ARMH1: variants seen among roughly 807,000 people sequenced by gnomAD.
ARMH1 encodes armadillo-like helical domain containing protein 1.
ARMH1 carries 34 observed loss-of-function variants against 50.2 expected under a neutral mutation model. The ratio of observed to expected loss-of-function variants is 0.68; its 90% CI spans 0.51 to 0.90. The LOEUF is 0.90. Ranked by LOEUF, ARMH1 falls within the 40% of genes least tolerant of loss-of-function variation. The pLI, the probability that ARMH1 is intolerant of heterozygous loss-of-function variation, is 0.00. For synonymous variants in ARMH1, 221 were observed against 224.2 expected (o/e 0.99, Z 0.13); for missense variants, 538 against 553.9 (o/e 0.97, Z 0.29).
At chr1:44,699,417 T>G (rs928402645) in intron 4 of ARMH1, among the ~76,000 whole-genome samples, 1 of 152,194 alleles carries the variant, frequency 6.6e-6, no homozygotes, top group South Asian at 2.1e-4. Flanking sequence ...TCAGACAGTT[T>G]AGAGTCTGGT....
Position 44,700,949 on chromosome 1 carries a change from G to A in ARMH1, c.469G>A (p.Ala157Thr). ...TGTACGATCCATAGCAGAATTTTTG[G>A]CAAAGTCTAAGTCAGAAGAGACCCA... is the stretch of plus-strand genomic sequence containing the variant. ...YGVRSIAEFLAKSKSEETQEE... is the reference protein window; with the variant it reads ...YGVRSIAEFLTKSKSEETQEE... Residue 157 changes from alanine (A) to threonine (T), a missense_variant, in exon 5 of 12, where the codon GCA becomes ACA. Coordinates refer to ENST00000535358, the MANE Select transcript of ARMH1 (RefSeq NM_001145636.2). 6.5e-7 allele frequency: 1 copy of A among 1,550,296 alleles called. No homozygotes were observed. Among genetic ancestry groups the A allele is most frequent in the Non-Finnish European group, 8.7e-7 (1 of 1,146,522 alleles).
chr1:44,709,942 ATTTTTGTC>A (rs1013377718), intron 6 of ARMH1, among the ~76,000 whole-genome samples: 1 of 152,168 alleles, frequency 6.6e-6, no homozygotes, highest in African/African-American at 2.4e-5. Context: ...GTAGAATACA[ATTTTTGTC>A]TACTTGACCT....
rs199577287 is a variant in ARMH1 at position 44,697,091 on chromosome 1, G to T, written c.207-11G>T. On this transcript the variant is annotated splice_polypyrimidine_tract_variant and intron_variant, in intron 2 of 11. Transcript: ENST00000535358. ...ACCACCCTGAAACTCACTCTTTAAC[G>T]TGTCATACAGCTATATGACTGACTC... The T allele has an allele frequency of 1.9e-6, 3 of 1,545,826 alleles. No individual in the cohort carries two copies. In the South Asian group the frequency reaches 3.6e-5, roughly 18 times the overall value.
chr1:44,713,238 A>C (rs1217497001), intron 6 of ARMH1, among the ~76,000 whole-genome samples: 2 of 151,482 alleles, frequency 1.3e-5, no homozygotes, highest in African/African-American at 4.9e-5. Flanking sequence ...AGCTGGGACC[A>C]CAAGCATGCA....
chr1:44,685,608 G>T (rs1309450620), intron 1 of ARMH1, among the ~76,000 whole-genome samples: 1 of 151,510 alleles, frequency 6.6e-6, no homozygotes, highest in Non-Finnish European at 1.5e-5. Context: ...ACCATACCTG[G>T]CCAGATAGCT....
chr1:44,717,085 G>A (rs959101428), intron 6 of ARMH1, among the ~76,000 whole-genome samples: 29 of 152,036 alleles, frequency 1.9e-4, no homozygotes, highest in African/African-American at 6.5e-4. Context: ...TCCTGACCTC[G>A]TGATCCAACC....
Position 44,723,696 on chromosome 1 carries a change from G to A in ARMH1, c.725-426G>A, listed in dbSNP as rs930364766. 7 of 162,276 alleles carry A rather than the reference G, an allele frequency of 4.3e-5. No individual in the cohort carries two copies. In the East Asian group the frequency reaches 1.3e-3, roughly 30 times the overall value. 10.1% of individuals were successfully genotyped at this position (162,276 alleles called of 1,614,324 possible). On this transcript the variant is annotated intron_variant, in intron 6 of 11. Coordinates refer to ENST00000535358, the MANE Select transcript of ARMH1 (RefSeq NM_001145636.2). ...GTTAGAAGGAGAGTTTCTCTAAACT[G>A]CCGCCTACCTTCCTTCCCCTTTCTC...
At position 44,724,909 on chromosome 1, in the gene ARMH1, C is replaced by G; in HGVS notation, c.1128+70C>G. The G allele has an allele frequency of 6.6e-7, 1 of 1,516,700 alleles. No individual in the cohort carries two copies. Among genetic ancestry groups the G allele is most frequent in the Non-Finnish European group, 8.8e-7 (1 of 1,133,988 alleles). 94.0% of individuals were successfully genotyped at this position (1,516,700 alleles called of 1,614,324 possible). Reference sequence around the variant, plus strand: ...TCGGACAGTGTGATGCCCCTTCAGACAGTCCCCATCCTGGAGCGCGCCACA... The same window carrying G: ...TCGGACAGTGTGATGCCCCTTCAGAGAGTCCCCATCCTGGAGCGCGCCACA... On this transcript the variant is annotated intron_variant, in intron 10 of 11. Coordinates refer to ENST00000535358, the MANE Select transcript of ARMH1 (RefSeq NM_001145636.2). This position sits in a 1 kb window ranked among gnomAD's most constrained non-coding sequence, Gnocchi z 6.4.
At chr1:44,713,726 A>T (rs1211569162) in intron 6 of ARMH1, among the ~76,000 whole-genome samples, 1 of 152,106 alleles carries the variant, frequency 6.6e-6, no homozygotes, top group African/African-American at 2.4e-5. Context: ...CCCTTGCCTT[A>T]TACTGCGTCC....
chr1:44,725,270 G>T (rs1017505006), intron 11 of ARMH1, 21 bp from the exon 12 acceptor site: 6 of 1,551,650 alleles, frequency 3.9e-6, no homozygotes, highest in Middle Eastern at 1.7e-4. Flanking sequence ...ACAGCCTCAC[G>T]CCCGCCTTTC....
chr1:44,697,633 A>G (rs1645871540), intron 3 of ARMH1, among the ~76,000 whole-genome samples: 1 of 152,082 alleles, frequency 6.6e-6, no homozygotes, highest in South Asian at 2.1e-4. Context: ...CCAAAAACAG[A>G]GCAGATCCTT....
chr1:44,689,894 TTAG>T lies in ARMH1; in HGVS notation c.198_200del (p.Arg67del), dbSNP rs1645599487. 1.3e-6 allele frequency: 2 copies of T among 1,550,300 alleles called. No homozygotes were observed. The highest frequency in any genetic ancestry group is 1.7e-6 in the Non-Finnish European group (2 of 1,146,888). On this transcript the variant is annotated inframe_deletion, in exon 2 of 12. Coordinates refer to ENST00000535358, the MANE Select transcript of ARMH1 (RefSeq NM_001145636.2). The stretch of plus-strand genomic sequence containing the variant: ...TTCCTGGTACGCTTGACCACCTCGC[TTAG>T]AATCACGTATCCTTTACTGAACAGA...
At chr1:44,691,826 C>T (rs1166334199) in intron 2 of ARMH1, among the ~76,000 whole-genome samples, 1 of 152,152 alleles carries the variant, frequency 6.6e-6, no homozygotes, top group African/African-American at 2.4e-5. Flanking sequence ...AATATGGTGC[C>T]ATTATGTGGA....
chr1:44,690,370 C>G (rs1008410800), intron 2 of ARMH1, among the ~76,000 whole-genome samples: 2 of 152,132 alleles, frequency 1.3e-5, no homozygotes, highest in African/African-American at 4.8e-5. Flanking sequence ...GTCAAGAACT[C>G]TCTCAGCTTC....
At chr1:44,721,654 G>C (rs139975261) in intron 6 of ARMH1, 1 of 152,064 alleles carries the variant, frequency 6.6e-6, no homozygotes, top group African/African-American at 2.4e-5. Context: ...GCTTGAGCAT[G>C]GGAGATGGAG....
intron 1 of ARMH1, among the ~76,000 whole-genome samples, chr1:44,680,289 G>A (rs1008970215): frequency 2.0e-5 from 3 of 152,308 alleles, no homozygotes; most frequent in African/African-American, 4.8e-5. Flanking sequence ...TGATTCTCCC[G>A]CCTCAGCCTC....
chr1:44,693,923 C>G (rs1434927851), intron 2 of ARMH1, among the ~76,000 whole-genome samples: 2 of 152,182 alleles, frequency 1.3e-5, no homozygotes, highest in South Asian at 2.1e-4. Flanking sequence ...TTAAGCTGTC[C>G]TCTCTTCTAC....
At chr1:44,702,096 C>A (rs1646109195) in intron 5 of ARMH1, among the ~76,000 whole-genome samples, 1 of 151,922 alleles carries the variant, frequency 6.6e-6, no homozygotes, top group Non-Finnish European at 1.5e-5. Flanking sequence ...TAGAGTGAGA[C>A]CCTGTCTCTA....
At chr1:44,680,435 A>G (rs1378771957) in intron 1 of ARMH1, among the ~76,000 whole-genome samples, 1 of 152,168 alleles carries the variant, frequency 6.6e-6, no homozygotes, top group African/African-American at 2.4e-5. Context: ...CAGCTTCCCA[A>G]AGTGCTGGGA....
Sources: gnomAD v4.1 joint callset for allele counts (sites outside exome capture counted in the v4.1 genomes callset) on GRCh38, gnomAD v4.1.1 for gene constraint, Gnocchi (gnomAD v3.1) non-coding constraint, MANE v1.5 for transcripts, NCBI Gene and HGNC (gene_info 2026-07-23, HGNC 2026-07-21) for gene names.